Variants in HMGA2 observed in about 807,000 individuals in gnomAD.
HMGA2 encodes high mobility group AT-hook 2.
HMGA2 carries 8 observed loss-of-function variants against 19.1 expected under a neutral mutation model. The ratio of observed to expected loss-of-function variants is 0.42; its 90% CI spans 0.25 to 0.76. The LOEUF (loss-of-function observed/expected upper bound fraction) is 0.76. HMGA2 is among the 30% of genes least tolerant of loss of function. HMGA2 has a pLI of 0.28. For missense variants in HMGA2, 109 were observed against 136.3 expected (o/e 0.80, Z 1.00); for synonymous variants, 60 against 48.8 (o/e 1.23, Z -0.96).
intron 3 of HMGA2, among the ~76,000 whole-genome samples, chr12:65,908,447 C>G (rs1227094739): frequency 1.3e-5 from 2 of 152,202 alleles, no homozygotes; most frequent in Non-Finnish European, 2.9e-5. Context: ...ATTCAGTTGT[C>G]TTCCAGATAT....
intron 3 of HMGA2, among the ~76,000 whole-genome samples, chr12:65,885,757 A>G (rs1479556273): frequency 6.6e-6 from 1 of 152,264 alleles, no homozygotes; most frequent in Non-Finnish European, 1.5e-5. Flanking sequence ...CCAAATAATA[A>G]CAACAATGAT....
At chr12:65,896,819 C>A (rs1874151423) in intron 3 of HMGA2, among the ~76,000 whole-genome samples, 1 of 152,212 alleles carries the variant, frequency 6.6e-6, no homozygotes, top group Non-Finnish European at 1.5e-5. Context: ...TTCTTACATG[C>A]TGGCATTTAA....
chr12:65,907,765 T>G (rs1874663904), intron 3 of HMGA2, among the ~76,000 whole-genome samples: 1 of 152,178 alleles, frequency 6.6e-6, no homozygotes, highest in Non-Finnish European at 1.5e-5. Context: ...AATCCTGTTG[T>G]GGCCGCATGG....
At chr12:65,927,446 A>C (rs1286694153) in intron 3 of HMGA2, among the ~76,000 whole-genome samples, 1 of 152,210 alleles carries the variant, frequency 6.6e-6, no homozygotes. Flanking sequence ...TAAAAACCAC[A>C]CTGGAAAAGA....
At chr12:65,896,080 A>G (rs988599692) in intron 3 of HMGA2, among the ~76,000 whole-genome samples, 3 of 152,252 alleles carry the variant, frequency 2.0e-5, no homozygotes, top group Admixed American at 2.0e-4. Context: ...ATGCAATACT[A>G]TAAAATGGTG....
In HMGA2 at chr12:65,825,116, C is replaced by T; in HGVS notation, c.-155C>T. 2 of 551,682 alleles carry T rather than the reference C, an allele frequency of 3.6e-6. No individual in the cohort carries two copies. Among genetic ancestry groups the T allele is most frequent in the Non-Finnish European group, 6.2e-6 (2 of 324,618 alleles). 34.2% of individuals were successfully genotyped at this position (551,682 alleles called of 1,614,324 possible). A position where few individuals can be genotyped will look rare whatever the true frequency, so the allele number is the denominator to read the frequency against. ...CCGGTGTTGATGGTGGCAGCGGCGG[C>T]AGCCTAAGCAACAGCAGCCCTCGCA... On this transcript the variant is annotated 5_prime_UTR_variant, in exon 1 of 5. Coordinates refer to ENST00000403681, the MANE Select transcript of HMGA2 (RefSeq NM_003483.6). The surrounding 1 kb of genome is among the most constrained non-coding windows in gnomAD (Gnocchi z 4.4).
At chr12:65,908,885 C>T (rs578239506) in intron 3 of HMGA2, among the ~76,000 whole-genome samples, 3 of 152,226 alleles carry the variant, frequency 2.0e-5, no homozygotes, top group East Asian at 1.9e-4. Flanking sequence ...TACTTTGGCC[C>T]GACCTGAATT....
chr12:65,960,119 G>A (rs1876711071), intron 4 of HMGA2, among the ~76,000 whole-genome samples: 1 of 152,160 alleles, frequency 6.6e-6, no homozygotes, highest in South Asian at 2.1e-4. Context: ...TCGATCTCCT[G>A]ACCTCGTGAT....
chr12:65,958,644 A>G (rs1483381104), intron 4 of HMGA2: 1 of 152,206 alleles, frequency 6.6e-6, no homozygotes, highest in Admixed American at 6.5e-5. Context: ...CAAGATACTC[A>G]TGAACGTGGA....
At chr12:65,920,852 G>C (rs936146560) in intron 3 of HMGA2, among the ~76,000 whole-genome samples, 2 of 152,194 alleles carry the variant, frequency 1.3e-5, no homozygotes, top group Non-Finnish European at 2.9e-5. Context: ...GGAGAGTGGG[G>C]CATTGCTGAA....
At chr12:65,838,430 A>T in intron 2 of HMGA2, 89 bp from the exon 3 acceptor site, 1 of 995,392 alleles carries the variant, frequency 1.0e-6, no homozygotes, top group Non-Finnish European at 1.6e-6. Context: ...TGCAAAGCAG[A>T]ACATTCTTAC....
chr12:65,897,402 A>G (rs907336190), intron 3 of HMGA2, among the ~76,000 whole-genome samples: 1 of 152,214 alleles, frequency 6.6e-6, no homozygotes, highest in African/African-American at 2.4e-5. Context: ...AAAATTAAGG[A>G]AAAAGTTTCT....
chr12:65,949,355 A>G (rs1876377162), intron 3 of HMGA2, among the ~76,000 whole-genome samples: 1 of 152,026 alleles, frequency 6.6e-6, no homozygotes, highest in South Asian at 2.1e-4. Context: ...ACTGAGAGGA[A>G]CTCTGAGAGG....
intron 3 of HMGA2, among the ~76,000 whole-genome samples, chr12:65,867,163 C>T (rs1348456984): frequency 2.6e-5 from 4 of 152,150 alleles, no homozygotes; most frequent in African/African-American, 9.7e-5. Flanking sequence ...TGAGGGCCTG[C>T]CATTTTTGTT....
intron 3 of HMGA2, among the ~76,000 whole-genome samples, chr12:65,938,649 T>A (rs1017923974): frequency 2.0e-5 from 3 of 152,126 alleles, no homozygotes; most frequent in Non-Finnish European, 4.4e-5. Flanking sequence ...CGTTTTTTTT[T>A]AATTATTTAT....
intron 3 of HMGA2, among the ~76,000 whole-genome samples, chr12:65,879,829 A>T (rs970994668): frequency 5.3e-5 from 8 of 152,216 alleles, no homozygotes; most frequent in Non-Finnish European, 1.2e-4. Context: ...GGGTGGGAAC[A>T]GGGTGCAAAG....
rs1247220150 is a variant in HMGA2, at chr12:65,825,435, G to A, written c.111+54G>A. On this transcript the variant is annotated intron_variant, in intron 1 of 4. Transcript: ENST00000403681. The surrounding 1 kb of genome is among the most constrained non-coding windows in gnomAD (Gnocchi z 4.4). ...AGCCCACCCCGTCCCCACTGCCGGG[G>A]CCCAGACACGCGCGGGGCGGCCGGA... is the stretch of plus-strand genomic sequence containing the variant. 3.1e-6 allele frequency: 4 copies of A among 1,288,726 alleles called. No homozygotes were observed. Among genetic ancestry groups the A allele is most frequent in the East Asian group, 3.1e-5 (1 of 32,164 alleles). 79.8% of individuals were successfully genotyped at this position (1,288,726 alleles called of 1,614,324 possible). A position where few individuals can be genotyped will look rare whatever the true frequency, so the allele number is the denominator to read the frequency against.
chr12:65,913,353 G>A (rs111794118), intron 3 of HMGA2, among the ~76,000 whole-genome samples: 2,215 of 152,218 alleles, frequency 0.015, 52 homozygotes, highest in African/African-American at 0.05. Context: ...TGCACAGGAA[G>A]AAGATCCCCC....
At chr12:65,896,607 A>G (rs1314524685) in intron 3 of HMGA2, among the ~76,000 whole-genome samples, 1 of 152,114 alleles carries the variant, frequency 6.6e-6, no homozygotes, top group Non-Finnish European at 1.5e-5. Context: ...CGTGTGCAGC[A>G]TGGCCATTTC....
Sources: allele counts gnomAD v4.1 joint callset (sites outside exome capture counted in the v4.1 genomes callset), GRCh38; gene constraint gnomAD v4.1.1; non-coding constraint Gnocchi (gnomAD v3.1); transcripts MANE v1.5; gene names NCBI Gene and HGNC (gene_info 2026-07-23, HGNC 2026-07-21).